Variants in PDZRN4 observed in about 807,000 individuals in gnomAD.
The protein encoded by PDZRN4 is PDZ domain-containing RING finger protein 4.
In PDZRN4, 70 loss-of-function variants were observed where a neutral mutation model predicts 99.0. The observed-to-expected ratio is 0.71, with a 90% confidence interval of 0.58 to 0.86. PDZRN4 has a LOEUF of 0.86. PDZRN4 is among the 40% of genes least tolerant of loss of function. PDZRN4 has a pLI of 0.00. For missense variants in PDZRN4, 1,474 were observed against 1,331.2 expected, an observed-to-expected ratio of 1.11 and a Z score of -1.67; for synonymous variants, 551 against 501.6, an observed-to-expected ratio of 1.10 and a Z score of -1.32.
chr12:41,293,590 A>G (rs1028862515), intron 3 of PDZRN4, among the ~76,000 whole-genome samples: 4 of 152,034 alleles, frequency 2.6e-5, no homozygotes, highest in East Asian at 3.9e-4. Context: ...GAAAAAGCAA[A>G]CTCACCATTA....
intron 3 of PDZRN4, among the ~76,000 whole-genome samples, chr12:41,280,504 C>T (rs968940101): frequency 2.6e-5 from 4 of 152,136 alleles, no homozygotes; most frequent in African/African-American, 7.2e-5. Flanking sequence ...TGAAGTCAAC[C>T]TGGGACACTC....
chr12:41,404,786 T>C (rs753637258), intron 3 of PDZRN4, among the ~76,000 whole-genome samples: 4 of 147,970 alleles, frequency 2.7e-5, no homozygotes, highest in Admixed American at 6.7e-5. Flanking sequence ...ATCAGACACA[T>C]AGACAAATGG....
At chr12:41,538,678 A>C (rs531428883) in intron 5 of PDZRN4, among the ~76,000 whole-genome samples, 37 of 152,292 alleles carry the variant, frequency 2.4e-4, no homozygotes, top group South Asian at 1.0e-3. Context: ...AAACATTTTT[A>C]ATAAATAAAT....
chr12:41,344,511 C>A (rs2121021708), intron 3 of PDZRN4, among the ~76,000 whole-genome samples: 1 of 151,170 alleles, frequency 6.6e-6, no homozygotes, highest in Non-Finnish European at 1.5e-5. Context: ...CTTAAACTAT[C>A]TCTAGGACAG....
Position 41,429,636 on chromosome 12 carries a change from G to A in PDZRN4, c.844-76820G>A, listed in dbSNP as rs191230905. Reference sequence around the variant, plus strand: ...GCAGATTGTTTGGGTTTGAATCCTGGCTCCCTCATTTACTACTCATGTGAC... The same window carrying A: ...GCAGATTGTTTGGGTTTGAATCCTGACTCCCTCATTTACTACTCATGTGAC... On this transcript the variant is annotated intron_variant, in intron 3 of 9. Coordinates refer to ENST00000402685, the MANE Select transcript of PDZRN4 (RefSeq NM_001164595.2). Among the ~76,000 whole-genome samples, 238 of 151,994 alleles carry A rather than the reference G, an allele frequency of 1.6e-3. 1 individual carries two copies. The highest frequency in any genetic ancestry group is 5.3e-3 in the African/African-American group (219 of 41,350).
At chr12:41,554,197 A>C (rs531350790) in intron 6 of PDZRN4, among the ~76,000 whole-genome samples, 12 of 152,220 alleles carry the variant, frequency 7.9e-5, no homozygotes, top group Non-Finnish European at 7.3e-5. Context: ...TAATATGTAC[A>C]GAGATAGGAA....
intron 3 of PDZRN4, among the ~76,000 whole-genome samples, chr12:41,320,138 G>A (rs570486336): frequency 1.5e-3 from 235 of 152,336 alleles, no homozygotes; most frequent in African/African-American, 5.1e-3. Flanking sequence ...GGCTGAGGTA[G>A]CGAGAACATC....
chr12:41,246,747 C>T (rs1207081670), intron 3 of PDZRN4, among the ~76,000 whole-genome samples: 1 of 152,134 alleles, frequency 6.6e-6, no homozygotes, highest in Middle Eastern at 3.2e-3. Flanking sequence ...ATGAGTTCAA[C>T]TCTGTTATTC....
chr12:41,488,423 G>A (rs1286089815), intron 3 of PDZRN4, among the ~76,000 whole-genome samples: 6 of 152,184 alleles, frequency 3.9e-5, no homozygotes, highest in African/African-American at 1.2e-4. Flanking sequence ...TAGAAGATAA[G>A]ATCTATGTGG....
intron 3 of PDZRN4, among the ~76,000 whole-genome samples, chr12:41,322,152 C>T (rs917315956): frequency 1.3e-5 from 2 of 152,048 alleles, no homozygotes; most frequent in African/African-American, 4.8e-5. Context: ...CTACCTCAGC[C>T]TCCCAAGTAG....
chr12:41,233,997 C>G (rs746161465), intron 3 of PDZRN4, among the ~76,000 whole-genome samples: 4 of 151,806 alleles, frequency 2.6e-5, no homozygotes, highest in Non-Finnish European at 5.9e-5. Context: ...CAGAGAATCA[C>G]TCTCTGATTG....
At chr12:41,350,075 G>T (rs1004626234) in intron 3 of PDZRN4, among the ~76,000 whole-genome samples, 2 of 152,042 alleles carry the variant, frequency 1.3e-5, no homozygotes, top group South Asian at 2.1e-4. Flanking sequence ...ATGTAAGTGA[G>T]TCTTCCATCA....
intron 3 of PDZRN4, among the ~76,000 whole-genome samples, chr12:41,304,763 A>G (rs2120937116): frequency 6.6e-6 from 1 of 152,354 alleles, no homozygotes; most frequent in East Asian, 1.9e-4. Flanking sequence ...AATAGAGAGT[A>G]GTGAATGCAA....
intron 3 of PDZRN4, among the ~76,000 whole-genome samples, chr12:41,484,876 G>T (rs558469122): frequency 6.6e-6 from 1 of 152,088 alleles, no homozygotes; most frequent in African/African-American, 2.4e-5. Flanking sequence ...GTAGGTCAGG[G>T]TTGCCTACAA....
At chr12:41,511,872 A>T (rs1229484823) in intron 5 of PDZRN4, among the ~76,000 whole-genome samples, 1 of 152,148 alleles carries the variant, frequency 6.6e-6, no homozygotes, top group East Asian at 1.9e-4. Flanking sequence ...AATTCTGTCT[A>T]TGTGTTGCAC....
intron 3 of PDZRN4, among the ~76,000 whole-genome samples, chr12:41,407,545 A>G (rs893199634): frequency 3.3e-5 from 5 of 152,292 alleles, no homozygotes; most frequent in Admixed American, 1.3e-4. Flanking sequence ...GGAAAGGGCA[A>G]GCATGCTATT....
intron 5 of PDZRN4, among the ~76,000 whole-genome samples, chr12:41,513,737 G>A (rs975371846): frequency 6.6e-6 from 1 of 151,952 alleles, no homozygotes; most frequent in Non-Finnish European, 1.5e-5. Flanking sequence ...TAATTTAAAG[G>A]GAAAGGTTTT....
intron 3 of PDZRN4, among the ~76,000 whole-genome samples, chr12:41,331,641 AC>A (rs1362895296): frequency 1.3e-5 from 2 of 152,278 alleles, no homozygotes; most frequent in East Asian, 3.9e-4. Flanking sequence ...CCATTTTCAC[AC>A]TGCTGTGATG....
intron 3 of PDZRN4, among the ~76,000 whole-genome samples, chr12:41,216,737 C>T (rs187789620): frequency 4.5e-4 from 69 of 152,026 alleles, no homozygotes; most frequent in Non-Finnish European, 8.2e-4. Context: ...TTTGATTAAT[C>T]ATCTGATTAA....
Sources: allele counts gnomAD v4.1 joint callset (sites outside exome capture counted in the v4.1 genomes callset), GRCh38; gene constraint gnomAD v4.1.1; transcripts MANE v1.5; gene names NCBI Gene and HGNC (gene_info 2026-07-23, HGNC 2026-07-21).